The following CEP63 variants were observed in gnomAD, a reference collection of about 807,000 sequenced individuals.
CEP63 encodes the protein centrosomal protein of 63 kDa.
Under a neutral mutation model 89.1 loss-of-function variants are expected in CEP63, and 84 were observed. The observed-to-expected ratio is 0.94, with a 90% confidence interval of 0.79 to 1.13. The LOEUF is 1.13. CEP63 is among the 50% of genes most tolerant of loss of function. CEP63 has a pLI of 0.00. For synonymous variants in CEP63, 267 were observed against 272.5 expected (o/e 0.98, Z 0.20); for missense variants, 838 against 813.3 (o/e 1.03, Z -0.37).
In CEP63 at chr3:134,558,305, C is replaced by CTA; in HGVS notation, c.1631_1632insTA (p.Thr545LysfsTer26). The CTA allele has an allele frequency of 6.2e-7, 1 of 1,613,660 alleles. No individual in the cohort carries two copies. On this transcript the variant is annotated frameshift_variant, in exon 13 of 15. Transcript: ENST00000675561. LOFTEE classifies it high-confidence loss of function. Reference sequence around the variant, plus strand: ...AAACAAAATGACAGGATCTTTAAACCAACACACAGCAGAACAACTGAGTTC... The same window carrying CTA: ...AAACAAAATGACAGGATCTTTAAACCTAAACACACAGCAGAACAACTGAGTTC...
chr3:134,602,614 C>A, the CEP63 span, among the ~76,000 whole-genome samples: 6 of 152,182 alleles, frequency 3.9e-5, no homozygotes, highest in East Asian at 3.9e-4. Context: ...GCGCCCAGGT[C>A]CTTATTCAGG....
At chr3:134,763,064 A>AT in the CEP63 span, among the ~76,000 whole-genome samples, 9 of 151,486 alleles carry the variant, frequency 5.9e-5, no homozygotes, top group South Asian at 4.2e-4. Context: ...GTGGCATCAT[A>AT]TTTTTTTTTC....
chr3:134,654,492 A>C, the CEP63 span, among the ~76,000 whole-genome samples: 1 of 152,158 alleles, frequency 6.6e-6, no homozygotes, highest in Non-Finnish European at 1.5e-5. Flanking sequence ...GAGTTCTGTG[A>C]GTTGGTGAAG....
the CEP63 span, among the ~76,000 whole-genome samples, chr3:134,673,229 T>C: frequency 6.6e-6 from 1 of 152,266 alleles, no homozygotes. Context: ...CTCTGTTAAC[T>C]CCAGTGCTTT....
the CEP63 span, among the ~76,000 whole-genome samples, chr3:134,601,579 T>C: frequency 1.3e-5 from 2 of 152,238 alleles, no homozygotes; most frequent in East Asian, 1.9e-4. Flanking sequence ...TTCCCTGTGG[T>C]GGTGCATAGC....
intron 11 of CEP63, among the ~76,000 whole-genome samples, chr3:134,571,478 G>A (rs1183558293): frequency 2.0e-5 from 3 of 152,170 alleles, no homozygotes; most frequent in East Asian, 3.8e-4. Flanking sequence ...TCAGGAGATC[G>A]AGACCATCCT....
the CEP63 span, among the ~76,000 whole-genome samples, chr3:134,665,969 AAGAC>A: frequency 1.3e-5 from 2 of 152,052 alleles, no homozygotes; most frequent in Non-Finnish European, 2.9e-5. Flanking sequence ...GAGACAAAGA[AAGAC>A]AGAGAGAACA....
chr3:134,485,991 G>GGGGGCC, upstream of CEP63: 1 of 938,170 alleles, frequency 1.1e-6, no homozygotes, highest in Non-Finnish European at 1.3e-6. Context: ...CTCCTGCCAC[G>GGGGGCC]CCCCCCCCCC....
chr3:134,541,597 C>T (rs888889600), intron 6 of CEP63, among the ~76,000 whole-genome samples: 4 of 149,120 alleles, frequency 2.7e-5, no homozygotes, highest in African/African-American at 9.9e-5. Flanking sequence ...CTCGCTGCAA[C>T]CTCCGCCTCC....
chr3:134,673,012 A>G, the CEP63 span, among the ~76,000 whole-genome samples: 1 of 152,188 alleles, frequency 6.6e-6, no homozygotes, highest in Non-Finnish European at 1.5e-5. Context: ...TCTTAGCATC[A>G]AGCCTGAGCT....
chr3:134,620,359 A>C, the CEP63 span, among the ~76,000 whole-genome samples: 1 of 152,068 alleles, frequency 6.6e-6, no homozygotes, highest in African/African-American at 2.4e-5. Context: ...TATTGCAATC[A>C]CTTTTCAAAC....
chr3:134,710,377 G>A, the CEP63 span, among the ~76,000 whole-genome samples: 1 of 152,182 alleles, frequency 6.6e-6, no homozygotes, highest in African/African-American at 2.4e-5. Flanking sequence ...GCTGTGTGCT[G>A]TTTGCAATGA....
At chr3:134,752,173 A>G in the CEP63 span, among the ~76,000 whole-genome samples, 1 of 152,352 alleles carries the variant, frequency 6.6e-6, no homozygotes, top group African/African-American at 2.4e-5. Flanking sequence ...AATCAATAAA[A>G]GAGACCAAGA....
the CEP63 span, among the ~76,000 whole-genome samples, chr3:134,697,547 A>T: frequency 6.6e-6 from 1 of 152,322 alleles, no homozygotes; most frequent in East Asian, 1.9e-4. Flanking sequence ...CTTCCATGGC[A>T]TTCCTATGAG....
chr3:134,544,705 A>C (rs1488148669), intron 6 of CEP63, among the ~76,000 whole-genome samples: 1 of 152,164 alleles, frequency 6.6e-6, no homozygotes, highest in Non-Finnish European at 1.5e-5. Flanking sequence ...CATCAGAAAT[A>C]TAATAATGCA....
chr3:134,533,931 T>C (rs1275577241), intron 5 of CEP63, among the ~76,000 whole-genome samples: 1 of 152,208 alleles, frequency 6.6e-6, no homozygotes, highest in Non-Finnish European at 1.5e-5. Context: ...ATCAGAAGAC[T>C]GCAGCTACTG....
At chr3:134,665,700 C>CAGAGAG in the CEP63 span, among the ~76,000 whole-genome samples, 27 of 106,646 alleles carry the variant, frequency 2.5e-4, no homozygotes, top group African/African-American at 8.1e-4. Flanking sequence ...CACACACACA[C>CAGAGAG]ACAGAGAGAG....
chr3:134,624,117 G>A, the CEP63 span, among the ~76,000 whole-genome samples: 6 of 151,990 alleles, frequency 3.9e-5, no homozygotes, highest in Non-Finnish European at 7.4e-5. Context: ...CTTGCTCCTC[G>A]TGAGGAGGTA....
chr3:134,491,424 T>C (rs1376972308), intron 1 of CEP63, among the ~76,000 whole-genome samples: 2 of 152,228 alleles, frequency 1.3e-5, no homozygotes, highest in East Asian at 3.8e-4. Context: ...GCCTAATCTT[T>C]TATAAGCTCC....
Sources: allele counts gnomAD v4.1 joint callset (sites outside exome capture counted in the v4.1 genomes callset), GRCh38; gene constraint gnomAD v4.1.1; transcripts MANE v1.5; gene names NCBI Gene and HGNC (gene_info 2026-07-23, HGNC 2026-07-21).